The following VRK2 variants were observed in gnomAD, a reference collection of about 807,000 sequenced individuals.
The protein encoded by VRK2 is serine/threonine-protein kinase VRK2.
VRK2 carries 60 observed loss-of-function variants against 57.6 expected under a neutral mutation model. The observed-to-expected ratio is 1.04, with a 90% CI of 0.85 to 1.29. The LOEUF (loss-of-function observed/expected upper bound fraction) is 1.29, where lower values mean the gene tolerates loss of function less well. VRK2 is among the 50% of genes most tolerant of loss of function. The pLI, the probability that VRK2 is intolerant of heterozygous loss-of-function variation, is 0.00. For missense variants in VRK2, 705 were observed against 588.1 expected, an observed-to-expected ratio of 1.20 and a Z score of -2.06; for synonymous variants, 231 against 199.2, an observed-to-expected ratio of 1.16 and a Z score of -1.35.
chr2:57,932,187 T>A (rs972350772), intron 1 of VRK2, among the ~76,000 whole-genome samples: 1 of 152,124 alleles, frequency 6.6e-6, no homozygotes, highest in African/African-American at 2.4e-5. Context: ...CTTGTCTGGC[T>A]TTGGTTTGAA....
At chr2:57,973,907 C>T (rs1266797528) in intron 1 of VRK2, among the ~76,000 whole-genome samples, 1 of 151,576 alleles carries the variant, frequency 6.6e-6, no homozygotes, top group Non-Finnish European at 1.5e-5. Flanking sequence ...CATTTTAGTT[C>T]TATGAGGGCT....
At chr2:58,031,613 C>G (rs576987884) in intron 2 of VRK2, among the ~76,000 whole-genome samples, 2 of 152,124 alleles carry the variant, frequency 1.3e-5, no homozygotes, top group East Asian at 3.9e-4. Flanking sequence ...TGTAATTTCC[C>G]TAATTAATTT....
At chr2:57,919,972 A>G (rs1349036957) in intron 1 of VRK2, among the ~76,000 whole-genome samples, 1 of 152,144 alleles carries the variant, frequency 6.6e-6, no homozygotes, top group Non-Finnish European at 1.5e-5. Flanking sequence ...CAAATTAGAT[A>G]GTAATTAACC....
At chr2:58,074,098 A>G (rs910996222) in intron 2 of VRK2, among the ~76,000 whole-genome samples, 21 of 152,118 alleles carry the variant, frequency 1.4e-4, no homozygotes, top group Admixed American at 2.0e-4. Context: ...TGATATTAGT[A>G]TAGCTACTGT....
intron 5 of VRK2, among the ~76,000 whole-genome samples, chr2:58,087,014 G>C (rs1199174656): frequency 6.6e-6 from 1 of 152,112 alleles, no homozygotes; most frequent in Non-Finnish European, 1.5e-5. Context: ...TCTATCTCTT[G>C]AGGAGAAGCA....
At chr2:57,908,388 T>A (rs1027362736) in intron 1 of VRK2, among the ~76,000 whole-genome samples, 4 of 152,214 alleles carry the variant, frequency 2.6e-5, no homozygotes, top group African/African-American at 7.2e-5. Context: ...TCTGGACTTA[T>A]CTATAAATCT....
chr2:57,953,697 G>C (rs1671495721), intron 1 of VRK2, among the ~76,000 whole-genome samples: 1 of 151,876 alleles, frequency 6.6e-6, no homozygotes, highest in African/African-American at 2.4e-5. Flanking sequence ...GAGCTATGAA[G>C]AGTAACATGT....
At chr2:58,008,365 G>C (rs1673317611) in intron 1 of VRK2, among the ~76,000 whole-genome samples, 1 of 151,920 alleles carries the variant, frequency 6.6e-6, no homozygotes, top group African/African-American at 2.4e-5. Context: ...AGGAAGGAAG[G>C]AACGAAGAAA....
At chr2:57,966,927 G>T (rs1274993914) in intron 1 of VRK2, among the ~76,000 whole-genome samples, 3 of 152,102 alleles carry the variant, frequency 2.0e-5, no homozygotes, top group African/African-American at 4.8e-5. Context: ...CAGTAGTGAA[G>T]GTCTAGAGAG....
intron 1 of VRK2, among the ~76,000 whole-genome samples, chr2:57,994,524 G>A (rs1672866236): frequency 6.6e-6 from 1 of 152,080 alleles, no homozygotes; most frequent in South Asian, 2.1e-4. Context: ...AATAACAGAA[G>A]AACAAAAATA....
chr2:58,126,787 A>G (rs926932526), intron 8 of VRK2, among the ~76,000 whole-genome samples: 16 of 152,032 alleles, frequency 1.1e-4, no homozygotes, highest in Non-Finnish European at 2.2e-4. Context: ...AAACACTGAC[A>G]TATTTTGGGC....
chr2:57,943,950 C>T (rs1004472525), intron 1 of VRK2, among the ~76,000 whole-genome samples: 1 of 152,204 alleles, frequency 6.6e-6, no homozygotes, highest in African/African-American at 2.4e-5. Context: ...ATAGACAATT[C>T]GTAAATGAAA....
At chr2:57,994,901 G>A (rs1042101329) in intron 1 of VRK2, among the ~76,000 whole-genome samples, 4 of 151,844 alleles carry the variant, frequency 2.6e-5, no homozygotes, top group Non-Finnish European at 4.4e-5. Context: ...TTTGAAAATC[G>A]CTTTTAATGT....
intron 1 of VRK2, among the ~76,000 whole-genome samples, chr2:57,911,477 AACCCAC>A (rs1360600035): frequency 2.0e-5 from 3 of 152,190 alleles, no homozygotes; most frequent in Non-Finnish European, 4.4e-5. Context: ...AGCTCTGACC[AACCCAC>A]ACCCATTGTA....
At chr2:58,106,336 G>A (rs983715599) in intron 7 of VRK2, among the ~76,000 whole-genome samples, 1 of 152,016 alleles carries the variant, frequency 6.6e-6, no homozygotes. Flanking sequence ...AGCCTGTTAA[G>A]TCACAGTCCT....
intron 1 of VRK2, among the ~76,000 whole-genome samples, chr2:57,921,929 T>A (rs1474463429): frequency 2.0e-5 from 3 of 152,132 alleles, no homozygotes; most frequent in African/African-American, 7.2e-5. Context: ...CATCTGCTGA[T>A]CCAATTACTT....
intron 7 of VRK2, 150 bp from the exon 8 acceptor site, chr2:58,122,951 T>A (rs1400766744): frequency 1.1e-6 from 1 of 895,408 alleles, no homozygotes; most frequent in African/African-American, 1.8e-5. Context: ...TGGCCCCCAG[T>A]TGTACATATT....
intron 8 of VRK2, 120 bp downstream of exon 8, chr2:58,123,353 GT>G: frequency 8.0e-7 from 1 of 1,244,252 alleles, no homozygotes; most frequent in Non-Finnish European, 1.1e-6. Context: ...CACTGGTGAG[GT>G]TTTTATCAAA....
intron 7 of VRK2, among the ~76,000 whole-genome samples, chr2:58,097,357 A>G (rs1217897144): frequency 1.3e-5 from 2 of 151,352 alleles, no homozygotes; most frequent in African/African-American, 4.9e-5. Context: ...ATTTGTCACT[A>G]TATTTGTTGT....
Sources: gnomAD v4.1 joint callset for allele counts (sites outside exome capture counted in the v4.1 genomes callset) on GRCh38, gnomAD v4.1.1 for gene constraint, MANE v1.5 for transcripts, NCBI Gene and HGNC (gene_info 2026-07-23, HGNC 2026-07-21) for gene names.